PRKX: variants seen among roughly 807,000 people sequenced by gnomAD.
PRKX encodes protein kinase cAMP-dependent X-linked catalytic subunit, also known as cAMP-dependent protein kinase catalytic subunit PRKX.
Under a neutral mutation model 22.0 loss-of-function variants are expected in PRKX, and 12 were observed. That is an observed-to-expected ratio of 0.54 (90% confidence interval 0.35 to 0.88). The LOEUF (loss-of-function observed/expected upper bound fraction) is 0.88. Ranked by LOEUF, PRKX falls within the 40% of genes least tolerant of loss-of-function variation. The pLI, the probability that PRKX is intolerant of heterozygous loss-of-function variation, is 0.01. For missense variants in PRKX, 217 were observed against 308.0 expected, an observed-to-expected ratio of 0.70 and a Z score of 2.21; for synonymous variants, 134 against 137.7, an observed-to-expected ratio of 0.97 and a Z score of 0.19.
chrX:3,615,106 C>T lies in PRKX; in HGVS notation c.951+709G>A, dbSNP rs763637189. Among the ~76,000 whole-genome samples, 12 of 103,684 alleles carry T rather than the reference C, an allele frequency of 1.2e-4. No individual in the cohort carries two copies. In the East Asian group the frequency reaches 3.6e-3, roughly 31 times the overall value. 90.0% of individuals were successfully genotyped at this position (103,684 alleles called of 115,157 possible). ...TAATCTTGGCTCACTGCAACCTCCG[C>T]CTCCTGGTATCAAGCAATTCTTGTG... is the stretch of plus-strand genomic sequence containing the variant. On this transcript the variant is annotated intron_variant, in intron 7 of 8. Coordinates refer to ENST00000262848, the MANE Select transcript of PRKX (RefSeq NM_005044.5).
At chrX:3,637,518 C>G (rs1370264910) in intron 4 of PRKX, among the ~76,000 whole-genome samples, 1 of 111,470 alleles carries the variant, frequency 9.0e-6, no homozygotes. Flanking sequence ...ACAGGAATGC[C>G]TGGGAGAGTT....
chrX:3,708,122 G>C lies in PRKX; in HGVS notation c.166+4966C>G, dbSNP rs1257119744. On this transcript the variant is annotated intron_variant, in intron 1 of 8. Coordinates refer to ENST00000262848, the MANE Select transcript of PRKX (RefSeq NM_005044.5). The stretch of plus-strand genomic sequence containing the variant: ...GAGGCCCTAGGGAGGTGATGAGGTC[G>C]TGAGGTTGGAGCCTCATGAATGGGA... Among the ~76,000 whole-genome samples the C allele has an allele frequency of 4.5e-5, 5 of 111,311 alleles. No homozygotes were observed. In the East Asian group the frequency reaches 1.4e-3, roughly 32 times the overall value.
intron 1 of PRKX, among the ~76,000 whole-genome samples, chrX:3,703,935 T>G (rs7880425): frequency 0.052 from 5,761 of 110,086 alleles, 349 homozygotes; most frequent in African/African-American, 0.18. Context: ...GGCCCCCAAA[T>G]TGCTGGAATT....
intron 1 of PRKX, among the ~76,000 whole-genome samples, chrX:3,688,302 C>T (rs370348651): frequency 6.9e-5 from 7 of 101,092 alleles, no homozygotes; most frequent in African/African-American, 1.1e-4. Flanking sequence ...AACGATTAGC[C>T]GGGCATGGTG....
chrX:3,708,888 T>G (rs7061391), intron 1 of PRKX, among the ~76,000 whole-genome samples: 7,679 of 107,062 alleles, frequency 0.072, 620 homozygotes, highest in African/African-American at 0.23. Flanking sequence ...CCGAGGGGTG[T>G]TCTGTGGTGA....
chrX:3,665,426 A>T (rs1283993505), intron 2 of PRKX, among the ~76,000 whole-genome samples: 1 of 110,734 alleles, frequency 9.0e-6, no homozygotes, highest in Non-Finnish European at 1.9e-5. Flanking sequence ...CAGTGACCCA[A>T]GATCACAACA....
rs1161162967 is a variant in PRKX, at chrX:3,654,466, T to G, written c.599+683A>C. ...TGGAATATTCAATTTGGTTTTTTTTTTTTTTTTTTTTGTTTTGTTTTTTTT... is the reference window on the plus strand; with the variant it reads ...TGGAATATTCAATTTGGTTTTTTTTGTTTTTTTTTTTGTTTTGTTTTTTTT... On this transcript the variant is annotated intron_variant, in intron 3 of 8. Coordinates refer to ENST00000262848, the MANE Select transcript of PRKX (RefSeq NM_005044.5). Among the ~76,000 whole-genome samples the G allele has an allele frequency of 2.9e-3, 240 of 82,540 alleles. 1 individual carries two copies. The highest frequency in any genetic ancestry group is 8.7e-3 in the African/African-American group (229 of 26,197). 71.7% of individuals were successfully genotyped at this position (82,540 alleles called of 115,157 possible). A position where few individuals can be genotyped will look rare whatever the true frequency, so the allele number is the denominator to read the frequency against.
intron 1 of PRKX, among the ~76,000 whole-genome samples, chrX:3,689,448 C>A (rs1269704152): frequency 8.9e-6 from 1 of 112,132 alleles, no homozygotes; most frequent in Non-Finnish European, 1.9e-5. Context: ...CTTTGGGAGG[C>A]CACGGAAGGA....
intron 2 of PRKX, among the ~76,000 whole-genome samples, chrX:3,660,752 C>G: frequency 1.8e-5 from 2 of 111,721 alleles, no homozygotes; most frequent in Non-Finnish European, 3.8e-5. Context: ...ATGTAGAATA[C>G]GCAAGCCCTG....
chrX:3,630,477 G>T (rs1309465402), intron 4 of PRKX, among the ~76,000 whole-genome samples: 4 of 111,560 alleles, frequency 3.6e-5, no homozygotes, highest in African/African-American at 6.5e-5. Context: ...GCGGAATGGC[G>T]TGAACCCGGG....
At chrX:3,650,579 T>C (rs1293405209) in intron 3 of PRKX, among the ~76,000 whole-genome samples, 1 of 93,811 alleles carries the variant, frequency 1.1e-5, no homozygotes, top group African/African-American at 4.0e-5. Flanking sequence ...CTGGGATATG[T>C]TCAAAAATGT....
intron 1 of PRKX, among the ~76,000 whole-genome samples, chrX:3,707,276 CATTT>C (rs1489233635): frequency 1.8e-5 from 2 of 112,177 alleles, no homozygotes; most frequent in East Asian, 5.6e-4. Context: ...ATCATCCATT[CATTT>C]ATTTATTCAC....
rs995192691 is a variant in PRKX at position 3,607,305 on chromosome X, G to A, written c.*1664C>T. 9.0e-6 allele frequency: 1 copy of A among 111,446 alleles called. No individual in the cohort carries two copies. The highest frequency in any genetic ancestry group is 1.9e-5 in the Non-Finnish European group (1 of 53,117). The allele number at this position is 111,446 out of a possible 1,213,427, so 9.2% of individuals were successfully genotyped here. A position where few individuals can be genotyped will look rare whatever the true frequency, so the allele number is the denominator to read the frequency against. On this transcript the variant is annotated 3_prime_UTR_variant, in exon 9 of 9. Transcript: ENST00000262848. ...ATCTGCAGATCTTCCTCGCGCAGGG[G>A]GCCATGCTAATCTCCTCTGTGTCAT...
rs755962744 is a variant in PRKX, at chrX:3,713,080, T to A, written c.166+8A>T. 8.6e-7 allele frequency: 1 copy of A among 1,159,180 alleles called. No individual in the cohort carries two copies. The highest frequency in any genetic ancestry group is 1.8e-5 in the African/African-American group (1 of 54,306). ...CTGTGGGCCGAGTCCCCGCCCGCAC[T>A]CACTCACCCACGGTGGCCAGCGTGT... On this transcript the variant is annotated splice_region_variant and intron_variant, in intron 1 of 8. Transcript: ENST00000262848.
chrX:3,687,013 T>TTTAA (rs1398037258), intron 1 of PRKX, among the ~76,000 whole-genome samples: 1 of 111,791 alleles, frequency 8.9e-6, no homozygotes, highest in African/African-American at 3.2e-5. Context: ...TTTATTTATT[T>TTTAA]TTAATTAATT....
intron 2 of PRKX, among the ~76,000 whole-genome samples, chrX:3,671,192 C>T (rs1927839901): frequency 9.0e-6 from 1 of 111,019 alleles, no homozygotes; most frequent in African/African-American, 3.3e-5. Flanking sequence ...TGCGCCACCA[C>T]GCCCAGCTAA....
chrX:3,630,678 T>C (rs1343082330), intron 4 of PRKX, among the ~76,000 whole-genome samples: 7 of 111,939 alleles, frequency 6.3e-5, no homozygotes, highest in African/African-American at 2.3e-4. Context: ...CACATTTACA[T>C]GGTGGCAGAT....
In PRKX at chrX:3,693,094, C is replaced by A. The variant is rs1004891557; in HGVS notation, c.167-18328G>T. 3.7e-4 allele frequency among the ~76,000 whole-genome samples: 41 copies of A among 110,475 alleles called. 1 individual carries two copies. Among genetic ancestry groups the A allele is most frequent in the Non-Finnish European group, 3.2e-4 (17 of 52,842 alleles). Reference sequence around the variant, plus strand: ...CTCCGAGAAACTGCAATGAACAACACAAGGTTGGTCCCTCATTTAGTTTTG... The same window carrying A: ...CTCCGAGAAACTGCAATGAACAACAAAAGGTTGGTCCCTCATTTAGTTTTG... On this transcript the variant is annotated intron_variant, in intron 1 of 8. Coordinates refer to ENST00000262848, the MANE Select transcript of PRKX (RefSeq NM_005044.5).
intron 2 of PRKX, among the ~76,000 whole-genome samples, chrX:3,661,842 G>T (rs1318022098): frequency 9.0e-6 from 1 of 111,571 alleles, no homozygotes; most frequent in African/African-American, 3.3e-5. Flanking sequence ...TTACCTGAGG[G>T]ACTCTGCCCC....
Sources: allele counts gnomAD v4.1 joint callset (sites outside exome capture counted in the v4.1 genomes callset), GRCh38; gene constraint gnomAD v4.1.1; transcripts MANE v1.5; gene names NCBI Gene and HGNC (gene_info 2026-07-23, HGNC 2026-07-21).